The following TMPRSS2 variants were observed in gnomAD, a reference collection of about 807,000 sequenced individuals.
TMPRSS2 encodes the protein transmembrane protease serine 2.
Under a neutral mutation model 67.4 loss-of-function variants are expected in TMPRSS2, and 59 were observed. That is an observed-to-expected ratio of 0.88 (90% CI 0.71 to 1.09). TMPRSS2 has a LOEUF of 1.09. TMPRSS2 is among the 50% of genes least tolerant of loss of function. The pLI is 0.00. For missense variants in TMPRSS2, 668 were observed against 642.7 expected (o/e 1.04, Z -0.43); for synonymous variants, 257 against 257.0 (o/e 1.00, Z 0.00).
chr21:41,493,169 C>T (rs2091351624), intron 3 of TMPRSS2, among the ~76,000 whole-genome samples: 2 of 152,156 alleles, frequency 1.3e-5, no homozygotes. Context: ...AACCACTGGC[C>T]TTGACCTACC....
intron 10 of TMPRSS2, among the ~76,000 whole-genome samples, chr21:41,471,083 G>C (rs1435764404): frequency 6.6e-6 from 1 of 152,204 alleles, no homozygotes; most frequent in African/African-American, 2.4e-5. Context: ...AATGGAGTCA[G>C]CTTTCGCCCC....
Position 41,470,755 on chromosome 21 carries a change from A to G in TMPRSS2, c.1076-12T>C. The G allele has an allele frequency of 6.2e-7, 1 of 1,612,084 alleles. No homozygotes were observed. The highest frequency in any genetic ancestry group is 8.5e-7 in the Non-Finnish European group (1 of 1,179,536). Reference sequence around the variant, plus strand: ...TGGTTTCACTAGGTCTGTTTCAAGAAGAGAAAACACAGTGAGCCAGGCGGG... The same window carrying G: ...TGGTTTCACTAGGTCTGTTTCAAGAGGAGAAAACACAGTGAGCCAGGCGGG... On this transcript the variant is annotated splice_polypyrimidine_tract_variant and intron_variant, in intron 10 of 13. Coordinates refer to ENST00000332149, the MANE Select transcript of TMPRSS2 (RefSeq NM_005656.4).
In TMPRSS2 at chr21:41,498,396, G is replaced by A. The variant is rs143562195; in HGVS notation, c.-56-207C>T. 2.5e-3 allele frequency among the ~76,000 whole-genome samples: 384 copies of A among 152,282 alleles called. 2 individuals are homozygous for A. Among genetic ancestry groups the A allele is most frequent in the African/African-American group, 8.9e-3 (368 of 41,564 alleles). On this transcript the variant is annotated intron_variant, in intron 1 of 13. Coordinates refer to ENST00000332149, the MANE Select transcript of TMPRSS2 (RefSeq NM_005656.4). ...TTTGGGACCCACTTGTGCCTTAGAG[G>A]TTACAGCAGAAGCACTCTCCTCTGG...
At position 41,498,197 on chromosome 21, in the gene TMPRSS2, A is replaced by T; in HGVS notation, c.-56-8T>A. On this transcript the variant is annotated splice_region_variant and splice_polypyrimidine_tract_variant and intron_variant, in intron 1 of 13. Transcript: ENST00000332149. ...TGGAATGTTCAATATGACCTAGAAG[A>T]AAGAATTACAGGACTGTAATATTTC... The T allele has an allele frequency of 6.3e-7, 1 of 1,588,618 alleles. No individual in the cohort carries two copies. Among genetic ancestry groups the T allele is most frequent in the South Asian group, 1.1e-5 (1 of 89,798 alleles).
chr21:41,469,173 C>T lies in TMPRSS2; in HGVS notation c.1172-635G>A, dbSNP rs376074355. 8.5e-5 allele frequency among the ~76,000 whole-genome samples: 13 copies of T among 152,206 alleles called. No homozygotes were observed. In the South Asian group the frequency reaches 2.3e-3, roughly 27 times the overall value. ...TCCTGGCTTGAAAAATGGCACCACC[C>T]GCCACCCTGGGGCTTCAGCCACAGA... On this transcript the variant is annotated intron_variant, in intron 11 of 13. Transcript: ENST00000332149.
intron 2 of TMPRSS2, among the ~76,000 whole-genome samples, chr21:41,496,279 T>C (rs55760462): frequency 0.24 from 36,403 of 152,112 alleles, 4,546 homozygotes; most frequent in Non-Finnish European, 0.26. Flanking sequence ...GCATAGTCTC[T>C]GTGTTATCCT....
At chr21:41,507,942 G>A (rs776595833) in intron 1 of TMPRSS2, 139 bp downstream of exon 1, 2 of 1,486,218 alleles carry the variant, frequency 1.3e-6, no homozygotes, top group Non-Finnish European at 8.9e-7. Flanking sequence ...ACCCTCGGGC[G>A]CACTCACCTG....
chr21:41,476,506 G>C (rs1032543442), intron 8 of TMPRSS2, 71 bp downstream of exon 8: 13 of 1,478,110 alleles, frequency 8.8e-6, no homozygotes, highest in Non-Finnish European at 1.1e-5. Context: ...GAGACACAGG[G>C]AGTACTGTTC....
In TMPRSS2 at chr21:41,465,900, C is replaced by A. The variant is rs191697229; in HGVS notation, c.*242G>T. 300 of 584,028 alleles carry A rather than the reference C, an allele frequency of 5.1e-4. 2 individuals carry two copies. Among genetic ancestry groups the A allele is most frequent in the African/African-American group, 5.0e-3 (263 of 52,918 alleles). 36.2% of individuals were successfully genotyped at this position (584,028 alleles called of 1,614,324 possible). ...CACCCCTCTCCTCCACACTTGACCGCCAGTGCCCACAACCAGCCGGCCATC... is the reference window on the plus strand; with the variant it reads ...CACCCCTCTCCTCCACACTTGACCGACAGTGCCCACAACCAGCCGGCCATC... On this transcript the variant is annotated 3_prime_UTR_variant, in exon 14 of 14. Transcript: ENST00000332149.
chr21:41,466,515 G>A (rs926193130), intron 13 of TMPRSS2, among the ~76,000 whole-genome samples: 5 of 152,204 alleles, frequency 3.3e-5, no homozygotes, highest in African/African-American at 9.7e-5. Flanking sequence ...ATCCTGGTGC[G>A]AGTCCGCCCC....
intron 6 of TMPRSS2, 44 bp from the exon 7 acceptor site, chr21:41,479,326 C>G (rs1165665531): frequency 1.4e-6 from 2 of 1,439,296 alleles, no homozygotes; most frequent in Admixed American, 3.4e-5. Flanking sequence ...AAGGCATAAG[C>G]AAACACAAAT....
chr21:41,491,246 T>G (rs1423478281), intron 3 of TMPRSS2, among the ~76,000 whole-genome samples: 1 of 141,368 alleles, frequency 7.1e-6, no homozygotes, highest in African/African-American at 2.6e-5. Context: ...AGCCTCCACC[T>G]CCTGAGCTCA....
chr21:41,507,954 C>T, intron 1 of TMPRSS2, 127 bp downstream of exon 1: 2 of 1,480,006 alleles, frequency 1.4e-6, no homozygotes, highest in Admixed American at 2.3e-5. Flanking sequence ...ACTCACCTGC[C>T]GCGCCGCGCT....
intron 1 of TMPRSS2, chr21:41,507,833 G>T: frequency 8.4e-7 from 1 of 1,190,774 alleles, no homozygotes; most frequent in Non-Finnish European, 1.1e-6. Flanking sequence ...CAAGCCAACA[G>T]GGGCGGCGAG....
At chr21:41,476,947 A>C (rs1237208690) in intron 7 of TMPRSS2, among the ~76,000 whole-genome samples, 1 of 152,222 alleles carries the variant, frequency 6.6e-6, no homozygotes, top group Non-Finnish European at 1.5e-5. Flanking sequence ...CTTGGAATTT[A>C]AAATCATCTT....
At position 41,498,209 on chromosome 21, in the gene TMPRSS2, G is replaced by T; in HGVS notation, c.-56-20C>A. 5.3e-6 allele frequency: 8 copies of T among 1,510,752 alleles called. No homozygotes were observed. The highest frequency in any genetic ancestry group is 6.4e-6 in the Non-Finnish European group (7 of 1,089,436). The allele number at this position is 1,510,752 out of a possible 1,614,324, so 93.6% of individuals were successfully genotyped here. A position where few individuals can be genotyped will look rare whatever the true frequency, so the allele number is the denominator to read the frequency against. ...TATGACCTAGAAGAAAGAATTACAG[G>T]ACTGTAATATTTCCATACCAGTTAG... On this transcript the variant is annotated intron_variant, in intron 1 of 13. Transcript: ENST00000332149.
rs1174177214 is a variant in TMPRSS2 at position 41,508,071 on chromosome 21, C to A, written c.-57+10G>T. 3 of 1,277,092 alleles carry A rather than the reference C, an allele frequency of 2.3e-6. No individual in the cohort carries two copies. In the African/African-American group the frequency reaches 4.7e-5, roughly 20 times the overall value. 79.1% of individuals were successfully genotyped at this position (1,277,092 alleles called of 1,614,324 possible). A position where few individuals can be genotyped will look rare whatever the true frequency, so the allele number is the denominator to read the frequency against. On this transcript the variant is annotated intron_variant, in intron 1 of 13. Coordinates refer to ENST00000332149, the MANE Select transcript of TMPRSS2 (RefSeq NM_005656.4). ...CCCCGAGCCGGGACCCTGGTACCGG[C>A]GCCGCTCACCTGCCGCGCTCCAGGC...
Position 41,465,082 on chromosome 21 carries a change from G to A in TMPRSS2, c.*1060C>T, listed in dbSNP as rs969663022. 6.4e-5 allele frequency: 15 copies of A among 233,458 alleles called. No individual in the cohort carries two copies. The highest frequency in any genetic ancestry group is 1.3e-4 in the African/African-American group (6 of 45,334). The allele number at this position is 233,458 out of a possible 1,614,324, so 14.5% of individuals were successfully genotyped here. A position where few individuals can be genotyped will look rare whatever the true frequency, so the allele number is the denominator to read the frequency against. On this transcript the variant is annotated 3_prime_UTR_variant, in exon 14 of 14. Transcript: ENST00000332149. Reference sequence around the variant, plus strand: ...GCTTCAGCACATTCATTTATAGAACGTTAAGTCAGGAGCCAGTCATTTTGT... The same window carrying A: ...GCTTCAGCACATTCATTTATAGAACATTAAGTCAGGAGCCAGTCATTTTGT...
intron 13 of TMPRSS2, among the ~76,000 whole-genome samples, chr21:41,467,240 G>T: frequency 6.6e-6 from 1 of 151,990 alleles, no homozygotes; most frequent in Admixed American, 6.6e-5. Flanking sequence ...AATACAAAAA[G>T]TAGCTGGGCG....
Sources: gnomAD v4.1 joint callset for allele counts (sites outside exome capture counted in the v4.1 genomes callset) on GRCh38, gnomAD v4.1.1 for gene constraint, MANE v1.5 for transcripts, NCBI Gene and HGNC (gene_info 2026-07-23, HGNC 2026-07-21) for gene names.